Variants in AHRR observed in about 807,000 individuals in gnomAD.
AHRR encodes ahR repressor.
In AHRR, 28 loss-of-function variants were observed where a neutral mutation model predicts 44.0. The ratio of observed to expected loss-of-function variants is 0.64; its 90% CI spans 0.47 to 0.87. AHRR has a LOEUF of 0.87. Among genes scored for constraint, AHRR ranks in the 40% least tolerant of loss-of-function variants. AHRR has a pLI of 0.00. For missense variants in AHRR, 990 were observed against 953.9 expected (o/e 1.04, Z -0.50); for synonymous variants, 434 against 407.0 (o/e 1.07, Z -0.80).
At chr5:376,551 A>AATT in intron 3 of AHRR, 59 bp from the exon 4 acceptor site, 1 of 1,401,304 alleles carries the variant, frequency 7.1e-7, no homozygotes, top group Non-Finnish European at 9.6e-7. Flanking sequence ...GATGTGAATG[A>AATT]AGAAGAGTGG....
intron 4 of AHRR, among the ~76,000 whole-genome samples, chr5:389,693 G>A (rs1298447699): frequency 2.0e-5 from 3 of 152,092 alleles, no homozygotes; most frequent in Middle Eastern, 3.4e-3. Flanking sequence ...TGGGGGGTCT[G>A]ACGGCCCAGA....
At chr5:426,896 G>C (rs1193449972) in intron 7 of AHRR, among the ~76,000 whole-genome samples, 5 of 151,520 alleles carry the variant, frequency 3.3e-5, no homozygotes, top group Non-Finnish European at 7.4e-5. Flanking sequence ...TGGGTGGCTG[G>C]GTAGATGAAT....
intron 3 of AHRR, among the ~76,000 whole-genome samples, chr5:371,875 C>T (rs1440620738): frequency 1.3e-5 from 2 of 152,168 alleles, no homozygotes; most frequent in South Asian, 2.1e-4. Flanking sequence ...TCCCTTCCAA[C>T]GAGGATGCTT....
intron 4 of AHRR, among the ~76,000 whole-genome samples, chr5:381,505 G>GTTT (rs1733978760): frequency 2.0e-4 from 11 of 53,904 alleles, no homozygotes; most frequent in Non-Finnish European, 3.7e-4. Context: ...GCTTAGGTTT[G>GTTT]CTTTTTTTTT....
chr5:340,686 ATATTTTTTTTT>A (rs1287818270), intron 1 of AHRR, among the ~76,000 whole-genome samples: 42 of 19,496 alleles, frequency 2.2e-3, no homozygotes, highest in Non-Finnish European at 2.7e-3. Flanking sequence ...ATATATATAT[ATATTTTTTTTT>A]TTTTTTTTTT....
chr5:421,340 G>T (rs11741954), intron 5 of AHRR: 184,193 of 687,952 alleles, frequency 0.27, 28,696 homozygotes, highest in Non-Finnish European at 0.33. Context: ...GGGGGATGCC[G>T]GTGGGTATCA....
At chr5:354,477 C>T (rs1016693362) in intron 3 of AHRR, among the ~76,000 whole-genome samples, 9 of 152,318 alleles carry the variant, frequency 5.9e-5, no homozygotes, top group Admixed American at 5.2e-4. Flanking sequence ...TCTGGGGCTC[C>T]TGCATCTCAG....
chr5:381,310 A>G (rs1429456207), intron 4 of AHRR, among the ~76,000 whole-genome samples: 1 of 152,170 alleles, frequency 6.6e-6, no homozygotes, highest in African/African-American at 2.4e-5. Flanking sequence ...CACATAGATT[A>G]TAATTGTTGT....
At chr5:412,320 C>G (rs575403078) in intron 4 of AHRR, among the ~76,000 whole-genome samples, 3 of 152,268 alleles carry the variant, frequency 2.0e-5, no homozygotes, top group African/African-American at 7.2e-5. Context: ...GTATTAAAAT[C>G]TGCCCTGTTT....
chr5:366,778 G>A (rs565066310), intron 3 of AHRR, among the ~76,000 whole-genome samples: 10 of 152,180 alleles, frequency 6.6e-5, no homozygotes, highest in Non-Finnish European at 1.0e-4. Flanking sequence ...GCTGATACTC[G>A]GCTGGAGGTG....
At chr5:415,512 T>C (rs62331590) in intron 5 of AHRR, among the ~76,000 whole-genome samples, 261 of 23,878 alleles carry the variant, frequency 0.011, 17 homozygotes, top group Non-Finnish European at 0.022. Context: ...CCTGGTCGGG[T>C]GGGAGGCCTA....
At chr5:327,692 G>A (rs1741757446) in intron 1 of AHRR, among the ~76,000 whole-genome samples, 1 of 152,156 alleles carries the variant, frequency 6.6e-6, no homozygotes, top group African/African-American at 2.4e-5. Flanking sequence ...TATGAGTGCA[G>A]GCGTCTTTTT....
At chr5:327,240 G>C (rs369711910) in intron 1 of AHRR, among the ~76,000 whole-genome samples, 1 of 152,132 alleles carries the variant, frequency 6.6e-6, no homozygotes. Flanking sequence ...TTTTTAAATT[G>C]TACACATTTA....
intron 1 of AHRR, among the ~76,000 whole-genome samples, chr5:336,090 A>C (rs1313298670): frequency 1.3e-5 from 2 of 152,224 alleles, no homozygotes; most frequent in Non-Finnish European, 2.9e-5. Context: ...TAGCTGCTTA[A>C]ATTTCAGAAA....
intron 2 of AHRR, among the ~76,000 whole-genome samples, chr5:352,242 G>A (rs1742882092): frequency 6.6e-6 from 1 of 152,240 alleles, no homozygotes; most frequent in South Asian, 2.1e-4. Flanking sequence ...GTTAGCCGTA[G>A]GGGATGGTCA....
chr5:343,922 G>A lies in AHRR; in HGVS notation c.20G>A (p.Cys7Tyr). The change falls in exon 2 of 11, where the codon TGC becomes TAC. Residue 7 changes from cysteine to tyrosine, a missense_variant. By Grantham distance (194) the Cys-to-Tyr change is radical. Coordinates refer to ENST00000684583, the MANE Select transcript of AHRR (RefSeq NM_001377236.1). Reference sequence around the variant, plus strand: ...AGGACGATGATCCCGCCGGGGGAGTGCACGTACGCGGGCCGGAAGCGGAGG... The same window carrying A: ...AGGACGATGATCCCGCCGGGGGAGTACACGTACGCGGGCCGGAAGCGGAGG... MIPPGE[C>Y]TYAGRKRRRP... 6.2e-7 allele frequency: 1 copy of A among 1,601,150 alleles called. No individual in the cohort carries two copies. The highest frequency in any genetic ancestry group is 8.5e-7 in the Non-Finnish European group (1 of 1,174,556).
At chr5:420,957 C>G (rs1191258294) in intron 5 of AHRR, 3 of 227,800 alleles carry the variant, frequency 1.3e-5, no homozygotes, top group South Asian at 4.8e-5. Context: ...GGCGCACATA[C>G]GCTGGCACCG....
chr5:437,740 C>T lies in AHRR; in HGVS notation c.*2906C>T, dbSNP rs1216533995. On this transcript the variant is annotated 3_prime_UTR_variant, in exon 11 of 11. Coordinates refer to ENST00000684583, the MANE Select transcript of AHRR (RefSeq NM_001377236.1). The stretch of plus-strand genomic sequence containing the variant: ...GCTGCACTCAGCACGTGGGTGTTGG[C>T]TCTGCCGGTTTTGTGGTGTGGGGAC... 6.6e-6 allele frequency: 1 copy of T among 152,386 alleles called. No individual in the cohort carries two copies. Among genetic ancestry groups the T allele is most frequent in the Non-Finnish European group, 1.5e-5 (1 of 68,068 alleles). 9.4% of individuals were successfully genotyped at this position (152,386 alleles called of 1,614,324 possible).
chr5:342,468 T>G lies in AHRR; in HGVS notation c.-10-1425T>G, dbSNP rs1209757229. Among the ~76,000 whole-genome samples the G allele has an allele frequency of 6.6e-6, 1 of 152,240 alleles. No individual in the cohort carries two copies. The highest frequency in any genetic ancestry group is 2.4e-5 in the African/African-American group (1 of 41,466). The stretch of plus-strand genomic sequence containing the variant: ...TGAAGTCTTCTTTGTCTGGGACTCA[T>G]ACAGCTGCTTCATTTGATTAACGTT... On this transcript the variant is annotated intron_variant, in intron 1 of 10. Coordinates refer to ENST00000684583, the MANE Select transcript of AHRR (RefSeq NM_001377236.1). This position sits in a 1 kb window ranked among gnomAD's most constrained non-coding sequence, Gnocchi z 4.3.
Sources: allele counts gnomAD v4.1 joint callset (sites outside exome capture counted in the v4.1 genomes callset), GRCh38; gene constraint gnomAD v4.1.1; non-coding constraint Gnocchi (gnomAD v3.1); transcripts MANE v1.5; gene names NCBI Gene and HGNC (gene_info 2026-07-23, HGNC 2026-07-21).